ANO6: variants seen among roughly 807,000 people sequenced by gnomAD.
ANO6 encodes anoctamin-6.
Under a neutral mutation model 117.5 loss-of-function variants are expected in ANO6, and 106 were observed. The observed-to-expected ratio is 0.90, with a 90% CI of 0.77 to 1.06. The LOEUF (loss-of-function observed/expected upper bound fraction) is 1.06, where lower values mean the gene tolerates loss of function less well. ANO6 is among the 50% of genes least tolerant of loss of function. The pLI is 0.00. For synonymous variants in ANO6, 367 were observed against 385.1 expected (o/e 0.95, Z 0.55); for missense variants, 955 against 1,121.1 (o/e 0.85, Z 2.12).
intron 12 of ANO6, among the ~76,000 whole-genome samples, chr12:45,395,087 C>T (rs373812350): frequency 7.9e-5 from 12 of 152,122 alleles, no homozygotes; most frequent in South Asian, 6.2e-4. Context: ...AACTGGTAGA[C>T]GGCTAGCAAG....
rs1943607401 is a variant in ANO6 at position 45,430,544 on chromosome 12, G to C, written c.*1233G>C. ...TTGATGTAACTGTCTGATTGTACTA[G>C]AGACAGGAGTATACCCAGCTTATTC... On this transcript the variant is annotated 3_prime_UTR_variant, in exon 20 of 20. Transcript: ENST00000320560. 1 of 985,302 alleles carries C rather than the reference G, an allele frequency of 1.0e-6. No individual in the cohort carries two copies. Among genetic ancestry groups the C allele is most frequent in the Non-Finnish European group, 1.2e-6 (1 of 829,934 alleles). The allele number at this position is 985,302 out of a possible 1,614,324, so 61.0% of individuals were successfully genotyped here. A position where few individuals can be genotyped will look rare whatever the true frequency, so the allele number is the denominator to read the frequency against.
At chr12:45,278,163 C>T (rs755028027) in intron 1 of ANO6, among the ~76,000 whole-genome samples, 29 of 152,204 alleles carry the variant, frequency 1.9e-4, no homozygotes, top group South Asian at 6.2e-4. Context: ...CTCTGTGTTG[C>T]CCAGGCTGGT....
chr12:45,255,824 T>TTTTTTTG (rs1230270251), intron 1 of ANO6, among the ~76,000 whole-genome samples: 1 of 146,018 alleles, frequency 6.8e-6, no homozygotes, highest in East Asian at 2.1e-4. Context: ...GGGTGTTTTT[T>TTTTTTTG]TTTTTTTTTT....
At chr12:45,338,971 T>C (rs1362060066) in intron 3 of ANO6, among the ~76,000 whole-genome samples, 2 of 152,130 alleles carry the variant, frequency 1.3e-5, no homozygotes, top group African/African-American at 4.8e-5. Flanking sequence ...GGCTGTAGGT[T>C]GAATGAAGAG....
At chr12:45,313,300 G>C (rs975407666) in intron 2 of ANO6, 1 of 152,014 alleles carries the variant, frequency 6.6e-6, no homozygotes, top group Non-Finnish European at 1.5e-5. Flanking sequence ...TCAGACCTCT[G>C]TGGACAAGTC....
intron 1 of ANO6, among the ~76,000 whole-genome samples, chr12:45,269,102 C>T (rs990861534): frequency 2.0e-5 from 3 of 152,184 alleles, no homozygotes; most frequent in African/African-American, 7.2e-5. Flanking sequence ...TTCCCAGGCC[C>T]TCCCTTCTTC....
intron 8 of ANO6, among the ~76,000 whole-genome samples, chr12:45,362,219 G>C (rs1393397453): frequency 6.6e-6 from 1 of 151,982 alleles, no homozygotes; most frequent in Non-Finnish European, 1.5e-5. Context: ...GTTACCTTAA[G>C]TAGTACATAT....
chr12:45,337,766 C>T lies in ANO6; in HGVS notation c.279+6343C>T, dbSNP rs568216301. On this transcript the variant is annotated intron_variant, in intron 3 of 19. Transcript: ENST00000320560. The stretch of plus-strand genomic sequence containing the variant: ...TTTGATAATATATTCTTGAAAACTG[C>T]TAAGGAGTAGATTTTAAGTGTTTTT... 3.3e-5 allele frequency among the ~76,000 whole-genome samples: 5 copies of T among 152,014 alleles called. No homozygotes were observed. In the South Asian group the frequency reaches 1.0e-3, roughly 32 times the overall value.
downstream of ANO6, chr12:45,432,418 G>C: frequency 1.8e-6 from 1 of 541,148 alleles, no homozygotes; most frequent in South Asian, 8.6e-5. Context: ...ATTTACTAGT[G>C]GCCAGTTGTG....
At chr12:45,292,584 TA>T (rs1939138693) in intron 1 of ANO6, 1 of 958,722 alleles carries the variant, frequency 1.0e-6, no homozygotes, top group Non-Finnish European at 1.3e-6. Flanking sequence ...AAGCATTAGG[TA>T]ATCCAGTTGT....
At position 45,426,323 on chromosome 12, in the gene ANO6, G is replaced by T. The variant is rs114370816; in HGVS notation, c.2527-2782G>T. ...CTTTCCTACAGCATCAACCTTTGTC[G>T]CTTTACTATATAATTTCCATTATCA... On this transcript the variant is annotated intron_variant, in intron 19 of 19. Transcript: ENST00000320560. Among the ~76,000 whole-genome samples the T allele has an allele frequency of 2.6e-5, 4 of 152,128 alleles. No individual in the cohort carries two copies. In the South Asian group the frequency reaches 6.2e-4, roughly 24 times the overall value.
rs533359909 is a variant in ANO6 at position 45,348,356 on chromosome 12, T to C, written c.633+41T>C. On this transcript the variant is annotated intron_variant, in intron 5 of 19. Coordinates refer to ENST00000320560, the MANE Select transcript of ANO6 (RefSeq NM_001025356.3). ...ATTTAGTTGCTGTCTTGGGGTAATTTGGAACCTGCTGTTTTGTGGTTTGGT... is the reference window on the plus strand; with the variant it reads ...ATTTAGTTGCTGTCTTGGGGTAATTCGGAACCTGCTGTTTTGTGGTTTGGT... 6 of 1,613,180 alleles carry C rather than the reference T, an allele frequency of 3.7e-6. No individual in the cohort carries two copies. In the East Asian group the frequency reaches 1.3e-4, roughly 36 times the overall value.
chr12:45,300,555 G>A (rs1939449068), intron 1 of ANO6, among the ~76,000 whole-genome samples: 1 of 152,084 alleles, frequency 6.6e-6, no homozygotes, highest in African/African-American at 2.4e-5. Context: ...TTTATAACTG[G>A]TTTGTCCAAA....
intron 7 of ANO6, among the ~76,000 whole-genome samples, chr12:45,356,723 G>A (rs1304293007): frequency 1.3e-5 from 2 of 152,194 alleles, no homozygotes; most frequent in East Asian, 1.9e-4. Context: ...GGGGAAAGAG[G>A]TGGAGGAAGT....
chr12:45,304,404 T>C (rs997616209), intron 2 of ANO6, among the ~76,000 whole-genome samples: 2 of 152,118 alleles, frequency 1.3e-5, no homozygotes, highest in Admixed American at 1.3e-4. Context: ...AGTGTCACAG[T>C]ACAAACCTGA....
At chr12:45,389,682 G>T (rs1942390153) in intron 11 of ANO6, among the ~76,000 whole-genome samples, 1 of 152,158 alleles carries the variant, frequency 6.6e-6, no homozygotes, top group African/African-American at 2.4e-5. Context: ...GTTCATGTCT[G>T]ACCACAGCAA....
chr12:45,362,693 C>CT (rs1941585881), intron 8 of ANO6, among the ~76,000 whole-genome samples: 1 of 151,624 alleles, frequency 6.6e-6, no homozygotes, highest in African/African-American at 2.4e-5. Context: ...GTTTCTTTAT[C>CT]TTTTTTTAGT....
chr12:45,367,694 A>C lies in ANO6; in HGVS notation c.1005A>C (p.Glu335Asp), dbSNP rs530391776. 6.2e-7 allele frequency: 1 copy of C among 1,612,496 alleles called. No individual in the cohort carries two copies. The highest frequency in any genetic ancestry group is 1.1e-5 in the South Asian group (1 of 90,752). The change falls in exon 9 of 20, where the codon GAA (glutamate) becomes GAC (aspartate). Residue 335 changes from glutamate (E) to aspartate (D), a missense_variant. Coordinates refer to ENST00000320560, the MANE Select transcript of ANO6 (RefSeq NM_001025356.3). ...TTTATTTCTCTCTTTTTAGCAAAGAAGTTTGTCATCCTGATATTGGTGGCA... is the reference window on the plus strand; with the variant it reads ...TTTATTTCTCTCTTTTTAGCAAAGACGTTTGTCATCCTGATATTGGTGGCA... ...LNQDNCTWSK[E>D]VCHPDIGGKI...
intron 9 of ANO6, among the ~76,000 whole-genome samples, chr12:45,375,535 C>T (rs2137535567): frequency 6.6e-6 from 1 of 152,286 alleles, no homozygotes; most frequent in South Asian, 2.1e-4. Context: ...GAACAGAGCC[C>T]TCAGAAATAA....
Sources: allele counts gnomAD v4.1 joint callset (sites outside exome capture counted in the v4.1 genomes callset), GRCh38; gene constraint gnomAD v4.1.1; transcripts MANE v1.5; gene names NCBI Gene and HGNC (gene_info 2026-07-23, HGNC 2026-07-21).